HDAC9: variants seen among roughly 807,000 people sequenced by gnomAD.
The protein encoded by HDAC9 is histone deacetylase 9, also known as MEF-2 interacting transcription repressor (MITR) protein.
Under a neutral mutation model 139.4 loss-of-function variants are expected in HDAC9, and 41 were observed. That is an observed-to-expected ratio of 0.29 (90% confidence interval 0.23 to 0.38). The LOEUF is 0.38. Ranked by LOEUF, HDAC9 falls within the 10% of genes least tolerant of loss-of-function variation. The pLI is 1.00. For missense variants in HDAC9, 1,147 were observed against 1,297.0 expected (o/e 0.88, Z 1.78); for synonymous variants, 517 against 476.2 (o/e 1.09, Z -1.12).
At chr7:18,956,431 C>T (rs773005003) in intron 24 of HDAC9, among the ~76,000 whole-genome samples, 2 of 152,022 alleles carry the variant, frequency 1.3e-5, no homozygotes, top group Non-Finnish European at 2.9e-5. Flanking sequence ...ATCTTTTTGT[C>T]TCTGAATGTC....
chr7:18,506,708 A>G (rs1799874137), intron 2 of HDAC9, among the ~76,000 whole-genome samples: 1 of 152,214 alleles, frequency 6.6e-6, no homozygotes, highest in South Asian at 2.1e-4. Context: ...GACTTTTAAT[A>G]ATAAATAACA....
chr7:18,696,880 T>C (rs528065328), intron 12 of HDAC9, among the ~76,000 whole-genome samples: 1 of 152,022 alleles, frequency 6.6e-6, no homozygotes, highest in Non-Finnish European at 1.5e-5. Flanking sequence ...ACAGAACAGA[T>C]AGTGGCAATA....
chr7:18,667,126 T>G (rs906067248), intron 12 of HDAC9: 1 of 985,116 alleles, frequency 1.0e-6, no homozygotes, highest in Non-Finnish European at 1.2e-6. Context: ...TAGATGCAAA[T>G]TGCAGCACTA....
intron 6 of HDAC9, among the ~76,000 whole-genome samples, chr7:18,620,616 C>T (rs1022536641): frequency 2.6e-5 from 4 of 151,694 alleles, no homozygotes; most frequent in African/African-American, 4.8e-5. Context: ...CTGAGCCAGC[C>T]GAGTGCCAGG....
intron 1 of HDAC9, among the ~76,000 whole-genome samples, chr7:18,310,835 C>G (rs1799265234): frequency 6.6e-6 from 1 of 151,572 alleles, no homozygotes; most frequent in South Asian, 2.1e-4. Flanking sequence ...CACACACACA[C>G]ACACACACAC....
intron 2 of HDAC9, among the ~76,000 whole-genome samples, chr7:18,202,961 G>T (rs1004706472): frequency 2.6e-5 from 4 of 152,154 alleles, no homozygotes; most frequent in East Asian, 1.9e-4. Context: ...GAAAGTTCTT[G>T]TGAGGATTAA....
At chr7:18,284,545 A>C (rs928626202) in intron 2 of HDAC9, among the ~76,000 whole-genome samples, 31 of 152,162 alleles carry the variant, frequency 2.0e-4, no homozygotes, top group African/African-American at 6.3e-4. Context: ...TCCATTATAA[A>C]ATCTTTGTAT....
At chr7:18,281,075 G>C (rs1297500714) in intron 2 of HDAC9, among the ~76,000 whole-genome samples, 1 of 152,150 alleles carries the variant, frequency 6.6e-6, no homozygotes, top group Non-Finnish European at 1.5e-5. Flanking sequence ...GGGCAGATGT[G>C]CCTGAGGAAG....
intron 21 of HDAC9, among the ~76,000 whole-genome samples, chr7:18,844,540 T>G (rs991162237): frequency 6.6e-6 from 1 of 152,214 alleles, no homozygotes; most frequent in African/African-American, 2.4e-5. Context: ...TTGTTGCACT[T>G]GAAAATAAAA....
At chr7:18,796,853 C>A (rs2129181471) in intron 17 of HDAC9, among the ~76,000 whole-genome samples, 1 of 152,246 alleles carries the variant, frequency 6.6e-6, no homozygotes, top group South Asian at 2.1e-4. Flanking sequence ...TATAAAGATT[C>A]ACTTTGGTGT....
chr7:18,305,296 T>C (rs564579001), intron 1 of HDAC9, among the ~76,000 whole-genome samples: 1 of 152,314 alleles, frequency 6.6e-6, no homozygotes, highest in Non-Finnish European at 1.5e-5. Flanking sequence ...CATGTAGATA[T>C]CCTAGGCCGG....
At chr7:18,880,891 C>CT (rs71553938) in intron 22 of HDAC9, among the ~76,000 whole-genome samples, 33 of 148,640 alleles carry the variant, frequency 2.2e-4, no homozygotes, top group South Asian at 6.3e-4. Context: ...GAATTACCAT[C>CT]TTTTTTTTAA....
At chr7:18,884,626 A>C (rs1799985853) in intron 22 of HDAC9, among the ~76,000 whole-genome samples, 1 of 152,236 alleles carries the variant, frequency 6.6e-6, no homozygotes, top group African/African-American at 2.4e-5. Flanking sequence ...TTATGGCTAT[A>C]GTTACTATTA....
At chr7:18,181,704 A>G (rs538698492) in intron 2 of HDAC9, among the ~76,000 whole-genome samples, 43 of 151,996 alleles carry the variant, frequency 2.8e-4, no homozygotes, top group Non-Finnish European at 5.3e-4. Context: ...AACTACTCAT[A>G]CCTGTCCCCC....
At chr7:18,393,553 G>A (rs1786740859) in intron 1 of HDAC9, among the ~76,000 whole-genome samples, 1 of 152,086 alleles carries the variant, frequency 6.6e-6, no homozygotes, top group African/African-American at 2.4e-5. Flanking sequence ...GCAGGGAGGG[G>A]GAGGCATGTA....
chr7:18,735,035 CT>C (rs1786755923), intron 13 of HDAC9, among the ~76,000 whole-genome samples: 1 of 152,168 alleles, frequency 6.6e-6, no homozygotes, highest in African/African-American at 2.4e-5. Flanking sequence ...TAAATGTCTT[CT>C]TTTGAGAAGT....
At chr7:18,183,060 A>T (rs1398859326) in intron 2 of HDAC9, among the ~76,000 whole-genome samples, 3 of 149,196 alleles carry the variant, frequency 2.0e-5, no homozygotes, top group Non-Finnish European at 4.4e-5. Context: ...CCCGTGCTGG[A>T]GTGCAGTGGC....
chr7:18,674,902 C>T (rs1781403833), intron 12 of HDAC9, among the ~76,000 whole-genome samples: 1 of 151,788 alleles, frequency 6.6e-6, no homozygotes, highest in African/African-American at 2.4e-5. Flanking sequence ...AGTACTCACA[C>T]CATATTAATT....
intron 23 of HDAC9, among the ~76,000 whole-genome samples, chr7:18,944,653 G>A (rs1266708558): frequency 6.6e-6 from 1 of 151,998 alleles, no homozygotes; most frequent in Non-Finnish European, 1.5e-5. Flanking sequence ...GATCAACCAA[G>A]AGATAGAGTA....
Sources: allele counts gnomAD v4.1 joint callset (sites outside exome capture counted in the v4.1 genomes callset), GRCh38; gene constraint gnomAD v4.1.1; transcripts MANE v1.5; gene names NCBI Gene and HGNC (gene_info 2026-07-23, HGNC 2026-07-21).